PDLIM3: variants seen among roughly 807,000 people sequenced by gnomAD.
PDLIM3 encodes the protein PDZ and LIM domain protein 3.
In PDLIM3, 36 loss-of-function variants were observed where a neutral mutation model predicts 37.3. That is an observed-to-expected ratio of 0.97 (90% confidence interval 0.74 to 1.28). The LOEUF is 1.28. Among genes scored for constraint, PDLIM3 ranks in the 50% most tolerant of loss-of-function variants. PDLIM3 has a pLI of 0.00. For missense variants in PDLIM3, 454 were observed against 485.0 expected (o/e 0.94, Z 0.60); for synonymous variants, 174 against 182.4 (o/e 0.95, Z 0.37).
intron 5 of PDLIM3, among the ~76,000 whole-genome samples, 167 bp downstream of exon 5, chr4:185,508,132 C>T (rs2095700805): frequency 6.6e-6 from 1 of 152,138 alleles, no homozygotes; most frequent in Admixed American, 6.5e-5. Context: ...AAGCTTTTCA[C>T]ATAGCTTTCT....
At chr4:185,527,177 T>C (rs989815851) in intron 1 of PDLIM3, among the ~76,000 whole-genome samples, 1 of 152,236 alleles carries the variant, frequency 6.6e-6, no homozygotes, top group Non-Finnish European at 1.5e-5. Context: ...TTATGGCTTT[T>C]AATGTCAACT....
chr4:185,517,959 T>A (rs911956027), intron 3 of PDLIM3, among the ~76,000 whole-genome samples: 1 of 152,226 alleles, frequency 6.6e-6, no homozygotes, highest in Admixed American at 6.5e-5. Context: ...TCCACTTTAA[T>A]TCATTTTTAT....
At chr4:185,531,418 ATT>A in intron 1 of PDLIM3, among the ~76,000 whole-genome samples, 1 of 152,348 alleles carries the variant, frequency 6.6e-6, no homozygotes, top group Middle Eastern at 3.4e-3. Context: ...GTTGCTAAAA[ATT>A]TGTTTTGAGA....
At chr4:185,531,530 G>T (rs1006328422) in intron 1 of PDLIM3, among the ~76,000 whole-genome samples, 3 of 152,158 alleles carry the variant, frequency 2.0e-5, no homozygotes, top group Non-Finnish European at 4.4e-5. Flanking sequence ...AGGGCCCTGT[G>T]TCCTAATTTT....
At position 185,535,503 on chromosome 4, in the gene PDLIM3, G is replaced by A; in HGVS notation, c.-69C>T. The A allele has an allele frequency of 1.4e-6, 2 of 1,384,494 alleles. No homozygotes were observed. Among genetic ancestry groups the A allele is most frequent in the East Asian group, 2.8e-5 (1 of 36,118 alleles). The allele number at this position is 1,384,494 out of a possible 1,614,324, so 85.8% of individuals were successfully genotyped here. Reference sequence around the variant, plus strand: ...GGGCAGCCACTCCGCGCCGGGCGGCGTCCTGGCCCCGACCCGGGCGGGGGC... The same window carrying A: ...GGGCAGCCACTCCGCGCCGGGCGGCATCCTGGCCCCGACCCGGGCGGGGGC... On this transcript the variant is annotated 5_prime_UTR_variant, in exon 1 of 8. The change creates a new upstream start codon in the 5' untranslated region. Coordinates refer to ENST00000284767, the MANE Select transcript of PDLIM3 (RefSeq NM_014476.6).
At position 185,502,765 on chromosome 4, in the gene PDLIM3, A is replaced by G. The variant is rs114076967; in HGVS notation, c.906-282T>C. On this transcript the variant is annotated intron_variant, in intron 7 of 7. Coordinates refer to ENST00000284767, the MANE Select transcript of PDLIM3 (RefSeq NM_014476.6). Reference sequence around the variant, plus strand: ...TAGAAAATTTGTAGGATCCTACTTCATGATCTTTCCCCATCGTTTCTTTGA... The same window carrying G: ...TAGAAAATTTGTAGGATCCTACTTCGTGATCTTTCCCCATCGTTTCTTTGA... 4.2e-3 allele frequency among the ~76,000 whole-genome samples: 635 copies of G among 152,286 alleles called. 8 individuals carry two copies. Among genetic ancestry groups the G allele is most frequent in the African/African-American group, 0.014 (583 of 41,554 alleles).
At position 185,504,556 on chromosome 4, in the gene PDLIM3, C is replaced by T. The variant is rs774596253; in HGVS notation, c.824G>A (p.Arg275Lys). Residue 275 changes from arginine to lysine, a missense_variant, in exon 7 of 8, where the codon AGA becomes AAA. Transcript: ENST00000284767. The surrounding 1 kb of genome is among the most constrained non-coding windows in gnomAD (Gnocchi z 4.7). ...GCCATGGACTTTCGTCACCGGAGCT[C>T]TCACACTCCGCGTTCCAGCCGGACG... ...DDRPAGTRSVRAPVTKVHGGS... is the reference protein window; with the variant it reads ...DDRPAGTRSVKAPVTKVHGGS... 5 of 1,614,158 alleles carry T rather than the reference C, an allele frequency of 3.1e-6. No individual in the cohort carries two copies. Among genetic ancestry groups the T allele is most frequent in the African/African-American group, 1.3e-5 (1 of 75,058 alleles).
rs143121072 is a variant in PDLIM3 at position 185,506,618 on chromosome 4, C to T, written c.697G>A (p.Val233Met). The stretch of plus-strand genomic sequence containing the variant: ...CGATTGTCGTGGAGCATCCGGTACA[C>T]GTCCGACTCGGGGGGCACCGAGGCT... The part of the protein sequence containing the change: ...PTASVPPESD[V>M]YRMLHDNRNE... The change falls in exon 6 of 8, where the codon GTG becomes ATG. Residue 233 changes from valine (V) to methionine (M), a missense_variant. Val to Met is a conservative substitution (Grantham distance 21). Transcript: ENST00000284767. The T allele has an allele frequency of 1.6e-5, 26 of 1,609,164 alleles. No homozygotes were observed. Among genetic ancestry groups the T allele is most frequent in the African/African-American group, 1.1e-4 (8 of 74,914 alleles).
chr4:185,503,063 TA>T (rs777624459), intron 7 of PDLIM3, among the ~76,000 whole-genome samples: 5 of 151,630 alleles, frequency 3.3e-5, no homozygotes, highest in African/African-American at 4.8e-5. Flanking sequence ...CCATCTCTAC[TA>T]AAAAAATACA....
rs1205116114 is a variant in PDLIM3 at position 185,521,129 on chromosome 4, G to A, written c.330+2233C>T. On this transcript the variant is annotated intron_variant, in intron 3 of 7. Transcript: ENST00000284767. ...CGGTGGGAGGAAGCAGGTCAGCCTG[G>A]GCATCTCTGCAAAAGGCTAGATACA... 1.4e-4 allele frequency among the ~76,000 whole-genome samples: 9 copies of A among 65,684 alleles called. 2 individuals are homozygous for A. The highest frequency in any genetic ancestry group is 2.5e-4 in the African/African-American group (9 of 36,146). 43.1% of individuals were successfully genotyped at this position (65,684 alleles called of 152,430 possible). A position where few individuals can be genotyped will look rare whatever the true frequency, so the allele number is the denominator to read the frequency against.
intron 4 of PDLIM3, chr4:185,512,196 C>T (rs1418841579): frequency 6.6e-6 from 1 of 151,822 alleles, no homozygotes; most frequent in African/African-American, 2.4e-5. Context: ...ATTCTCCTGC[C>T]TCAGCCTCCC....
At position 185,501,201 on chromosome 4, in the gene PDLIM3, G is replaced by A. The variant is rs1482693146; in HGVS notation, c.*1093C>T. The A allele has an allele frequency of 6.6e-6, 1 of 152,340 alleles. No homozygotes were observed. The highest frequency in any genetic ancestry group is 2.4e-5 in the African/African-American group (1 of 41,446). The allele number at this position is 152,340 out of a possible 1,614,324, so 9.4% of individuals were successfully genotyped here. ...TCAGACAGAGGATCCATGACTCCAG[G>A]AAAGCTGAGCTGAGAGTTTTGGAGG... On this transcript the variant is annotated 3_prime_UTR_variant, in exon 8 of 8. Coordinates refer to ENST00000284767, the MANE Select transcript of PDLIM3 (RefSeq NM_014476.6).
intron 1 of PDLIM3, among the ~76,000 whole-genome samples, chr4:185,533,400 T>C (rs2095748141): frequency 6.6e-6 from 1 of 152,224 alleles, no homozygotes; most frequent in Non-Finnish European, 1.5e-5. Context: ...AGGTGTTCAC[T>C]AAAGCATAAA....
intron 2 of PDLIM3, among the ~76,000 whole-genome samples, chr4:185,524,570 A>T (rs1251828954): frequency 6.6e-6 from 1 of 152,232 alleles, no homozygotes; most frequent in African/African-American, 2.4e-5. Flanking sequence ...TGTACAAAAC[A>T]GCCAATGGCA....
intron 1 of PDLIM3, among the ~76,000 whole-genome samples, chr4:185,527,695 C>T (rs77900998): frequency 6.6e-6 from 1 of 152,266 alleles, no homozygotes; most frequent in African/African-American, 2.4e-5. Flanking sequence ...AATTTTCTCT[C>T]ATTTGTCAAA....
In PDLIM3 at chr4:185,505,194, G is replaced by A. The variant is rs955565127; in HGVS notation, c.794-608C>T. On this transcript the variant is annotated intron_variant, in intron 6 of 7. Coordinates refer to ENST00000284767, the MANE Select transcript of PDLIM3 (RefSeq NM_014476.6). ...TGTTTGCAAAGTTCATTCATGGTGCGCCGTGTGTCAGAATTTAATTTCTTT... is the reference window on the plus strand; with the variant it reads ...TGTTTGCAAAGTTCATTCATGGTGCACCGTGTGTCAGAATTTAATTTCTTT... Among the ~76,000 whole-genome samples, 5 of 152,148 alleles carry A rather than the reference G, an allele frequency of 3.3e-5. No homozygotes were observed. In the South Asian group the frequency reaches 8.3e-4, roughly 25 times the overall value.
chr4:185,533,432 TGTTC>T (rs1255758058), intron 1 of PDLIM3, among the ~76,000 whole-genome samples: 1 of 152,234 alleles, frequency 6.6e-6, no homozygotes, highest in Non-Finnish European at 1.5e-5. Context: ...AATAAATAAA[TGTTC>T]TTATTTATTC....
chr4:185,508,292 A>G lies in PDLIM3; in HGVS notation c.662+7T>C, dbSNP rs1580239101. On this transcript the variant is annotated splice_region_variant and intron_variant, in intron 5 of 7. Coordinates refer to ENST00000284767, the MANE Select transcript of PDLIM3 (RefSeq NM_014476.6). ...ATATGCCCATGGTTCAAAGAGACTC[A>G]TATTACCTCATCAAAGGTGTTTCCC... is the stretch of plus-strand genomic sequence containing the variant. 6.2e-7 allele frequency: 1 copy of G among 1,613,696 alleles called. No homozygotes were observed. The highest frequency in any genetic ancestry group is 8.5e-7 in the Non-Finnish European group (1 of 1,179,698).
chr4:185,520,483 A>ATGTAGAATGAG (rs1394326307), intron 3 of PDLIM3, among the ~76,000 whole-genome samples: 2 of 69,202 alleles, frequency 2.9e-5, no homozygotes. Flanking sequence ...TAGTATTGTA[A>ATGTAGAATGAG]ATATTCATAT....
Sources: gnomAD v4.1 joint callset for allele counts (sites outside exome capture counted in the v4.1 genomes callset) on GRCh38, gnomAD v4.1.1 for gene constraint, Gnocchi (gnomAD v3.1) non-coding constraint, MANE v1.5 for transcripts, NCBI Gene and HGNC (gene_info 2026-07-23, HGNC 2026-07-21) for gene names.